SLC5A10: variants seen among roughly 807,000 people sequenced by gnomAD.
The protein encoded by SLC5A10 is sodium/mannose cotransporter SLC5A10.
SLC5A10 carries 55 observed loss-of-function variants against 68.9 expected under a neutral mutation model. The observed-to-expected ratio is 0.80, with a 90% CI of 0.64 to 1.00. The LOEUF (loss-of-function observed/expected upper bound fraction) is 1.00, where lower values mean the gene tolerates loss of function less well. Ranked by LOEUF, SLC5A10 falls within the 50% of genes least tolerant of loss-of-function variation. The pLI is 0.00. For synonymous variants in SLC5A10, 344 were observed against 344.8 expected (o/e 1.00, Z 0.02); for missense variants, 732 against 819.3 (o/e 0.89, Z 1.30).
intron 8 of SLC5A10, among the ~76,000 whole-genome samples, chr17:18,972,087 G>A (rs1467234094): frequency 6.6e-6 from 1 of 152,196 alleles, no homozygotes; most frequent in Non-Finnish European, 1.5e-5. Flanking sequence ...GTTGAGTGCA[G>A]GGGGTGACTC....
intron 9 of SLC5A10, among the ~76,000 whole-genome samples, chr17:18,979,870 C>G (rs548225149): frequency 2.6e-5 from 4 of 152,110 alleles, no homozygotes; most frequent in Non-Finnish European, 4.4e-5. Context: ...GCTGCTGAGC[C>G]GTGAAGCTAC....
In SLC5A10 at chr17:19,017,006, A is replaced by G. The variant is rs2044153876; in HGVS notation, c.1241+1807A>G. ...CTCCTCACCCAGACTCCCACCTGCA[A>G]CCAAAAGTCTTGACCTGGCCTCCTG... On this transcript the variant is annotated intron_variant, in intron 11 of 14. Transcript: ENST00000395645. The surrounding 1 kb of genome is among the most constrained non-coding windows in gnomAD (Gnocchi z 5.6). Among the ~76,000 whole-genome samples, 1 of 152,038 alleles carries G rather than the reference A, an allele frequency of 6.6e-6. No individual in the cohort carries two copies. Among genetic ancestry groups the G allele is most frequent in the African/African-American group, 2.4e-5 (1 of 41,384 alleles).
At position 18,996,475 on chromosome 17, in the gene SLC5A10, C is replaced by A. The variant is rs568365516; in HGVS notation, c.983-16935C>A. Among the ~76,000 whole-genome samples the A allele has an allele frequency of 6.6e-6, 1 of 152,124 alleles. No individual in the cohort carries two copies. The highest frequency in any genetic ancestry group is 1.5e-5 in the Non-Finnish European group (1 of 68,004). On this transcript the variant is annotated intron_variant, in intron 9 of 14. Transcript: ENST00000395645. The surrounding 1 kb of genome is among the most constrained non-coding windows in gnomAD (Gnocchi z 4.4). Reference sequence around the variant, plus strand: ...TAGGATCCCTGGGTGGTGCTCCCTGCCACCTCCTGGCAATCTCCAAACCAG... The same window carrying A: ...TAGGATCCCTGGGTGGTGCTCCCTGACACCTCCTGGCAATCTCCAAACCAG...
intron 7 of SLC5A10, 108 bp downstream of exon 7, chr17:18,969,530 G>C (rs2042786573): frequency 9.3e-7 from 1 of 1,079,424 alleles, no homozygotes; most frequent in East Asian, 2.5e-5. Context: ...GTTCTGGGTA[G>C]CATCGCTGGG....
rs1567817922 is a variant in SLC5A10, at chr17:19,019,931, GAGCC to G, written c.1626+8_1626+11del. ...CCCCACCCCCACAGAGTGTCCAGGT[GAGCC>G]AGCCCTGACCCCTGACCCTGACCCC... On this transcript the variant is annotated splice_donor_5th_base_variant and intron_variant, in intron 13 of 14. Transcript: ENST00000395645. The G allele has an allele frequency of 1.9e-6, 3 of 1,600,864 alleles. No individual in the cohort carries two copies. The highest frequency in any genetic ancestry group is 2.6e-6 in the Non-Finnish European group (3 of 1,174,836).
chr17:18,995,411 G>GT (rs1176105935), intron 9 of SLC5A10, among the ~76,000 whole-genome samples: 1 of 152,202 alleles, frequency 6.6e-6, no homozygotes, highest in East Asian at 1.9e-4. Flanking sequence ...TTGAAGACAT[G>GT]TAAGTAGAAA....
In SLC5A10 at chr17:19,019,444, C is replaced by T. The variant is rs769210868; in HGVS notation, c.1263C>T (p.Ile421=). The change falls in exon 12 of 15, where the codon ATC becomes ATT. Residue 421 remains isoleucine, a synonymous_variant. Coordinates refer to ENST00000395645, the MANE Select transcript of SLC5A10 (RefSeq NM_001042450.4). ...LVGRLVIVAL[I]GVSVAWIPVL... ...GCAGGCTGGTCATAGTGGCACTCAT[C>T]GGCGTGAGTGTGGCCTGGATCCCCG... is the stretch of plus-strand genomic sequence containing the variant. The T allele has an allele frequency of 7.4e-6, 12 of 1,610,938 alleles. No individual in the cohort carries two copies. Among genetic ancestry groups the T allele is most frequent in the Middle Eastern group, 1.6e-4 (1 of 6,082 alleles).
intron 9 of SLC5A10, chr17:18,978,606 C>T (rs1163725071): frequency 6.2e-7 from 1 of 1,613,080 alleles, no homozygotes; most frequent in African/African-American, 1.3e-5. Context: ...ACGCTCTTGG[C>T]CTTGACAAGT....
chr17:18,993,963 C>T (rs1308123520), intron 9 of SLC5A10, among the ~76,000 whole-genome samples: 3 of 152,206 alleles, frequency 2.0e-5, no homozygotes, highest in Non-Finnish European at 4.4e-5. Flanking sequence ...CCTCCTCGTC[C>T]TCCCACCAAC....
At chr17:19,002,063 G>A (rs1409739602) in intron 9 of SLC5A10, among the ~76,000 whole-genome samples, 1 of 152,136 alleles carries the variant, frequency 6.6e-6, no homozygotes, top group Non-Finnish European at 1.5e-5. Context: ...CCACACCACA[G>A]CAGGTGTGGG....
intron 8 of SLC5A10, among the ~76,000 whole-genome samples, chr17:18,972,668 C>T (rs2042884152): frequency 6.6e-6 from 1 of 152,128 alleles, no homozygotes; most frequent in Admixed American, 6.5e-5. Context: ...CGAGACCATC[C>T]TGGCTAACAC....
At chr17:18,961,356 G>T (rs2042610501) in intron 5 of SLC5A10, among the ~76,000 whole-genome samples, 1 of 152,180 alleles carries the variant, frequency 6.6e-6, no homozygotes, top group Non-Finnish European at 1.5e-5. Flanking sequence ...CTTGAGTCCT[G>T]GGGCTGCCTG....
intron 9 of SLC5A10, among the ~76,000 whole-genome samples, chr17:18,998,775 C>T (rs1447138037): frequency 6.6e-6 from 1 of 152,218 alleles, no homozygotes; most frequent in Non-Finnish European, 1.5e-5. Context: ...GTGGTGGGAG[C>T]CTGGGCCAGC....
rs376021450 is a variant in SLC5A10 at position 18,981,766 on chromosome 17, C to A, written c.982+4777C>A. On this transcript the variant is annotated intron_variant, in intron 9 of 14. Transcript: ENST00000395645. Reference sequence around the variant, plus strand: ...GCCTCTGCTCCCAGGGCCGCCCTCGCCGGCCCCCCACCCCGCAGGCTGCAG... The same window carrying A: ...GCCTCTGCTCCCAGGGCCGCCCTCGACGGCCCCCCACCCCGCAGGCTGCAG... 8.5e-5 allele frequency among the ~76,000 whole-genome samples: 13 copies of A among 152,344 alleles called. No homozygotes were observed. In the East Asian group the frequency reaches 1.2e-3, roughly 14 times the overall value.
rs2043804472 is a variant in SLC5A10, at chr17:19,003,894, G to A, written c.983-9516G>A. The stretch of plus-strand genomic sequence containing the variant: ...AAGTCTCGGATGTTCTCCCGCTTGA[G>A]CACCTCGTAGAAGGCGTCCCGGCCG... On this transcript the variant is annotated intron_variant, in intron 9 of 14. Coordinates refer to ENST00000395645, the MANE Select transcript of SLC5A10 (RefSeq NM_001042450.4). The surrounding 1 kb of genome is among the most constrained non-coding windows in gnomAD (Gnocchi z 4.5). 1 of 1,613,028 alleles carries A rather than the reference G, an allele frequency of 6.2e-7. No homozygotes were observed.
Position 19,015,141 on chromosome 17 carries a change from G to A in SLC5A10, c.1183G>A (p.Asp395Asn). 1.3e-6 allele frequency: 2 copies of A among 1,590,308 alleles called. No homozygotes were observed. Among genetic ancestry groups the A allele is most frequent in the Non-Finnish European group, 1.7e-6 (2 of 1,164,316 alleles). Reference protein sequence around the residue: ...FNSSSTLFTMDIWRRLRPRSG... With the variant: ...FNSSSTLFTMNIWRRLRPRSG... ...CAGCAGCAGCACCCTCTTCACTATG[G>A]ACATCTGGAGGCGGCTGCGTCCCCG... The change falls in exon 11 of 15, where the codon GAC becomes AAC. Residue 395 changes from aspartate to asparagine, a missense_variant. Physicochemically the swap from Asp to Asn is conservative, Grantham distance 23. Coordinates refer to ENST00000395645, the MANE Select transcript of SLC5A10 (RefSeq NM_001042450.4).
chr17:18,959,795 G>A (rs1333770940), intron 4 of SLC5A10, 132 bp downstream of exon 4: 9 of 710,872 alleles, frequency 1.3e-5, no homozygotes, highest in Admixed American at 4.4e-5. Flanking sequence ...CTATTAGCCC[G>A]ACTAATATTT....
chr17:18,983,707 G>T (rs2043194503), intron 9 of SLC5A10, among the ~76,000 whole-genome samples: 1 of 152,240 alleles, frequency 6.6e-6, no homozygotes, highest in Non-Finnish European at 1.5e-5. Flanking sequence ...TCTGTGGAGG[G>T]TGGAGAGGGG....
intron 1 of SLC5A10, among the ~76,000 whole-genome samples, chr17:18,957,160 A>T (rs897728732): frequency 6.6e-6 from 1 of 152,158 alleles, no homozygotes; most frequent in Non-Finnish European, 1.5e-5. Flanking sequence ...AAAACAAAAC[A>T]AAACAAAATT....
Sources: gnomAD v4.1 joint callset for allele counts (sites outside exome capture counted in the v4.1 genomes callset) on GRCh38, gnomAD v4.1.1 for gene constraint, Gnocchi (gnomAD v3.1) non-coding constraint, MANE v1.5 for transcripts, NCBI Gene and HGNC (gene_info 2026-07-23, HGNC 2026-07-21) for gene names.